PKHD1: variants seen among roughly 807,000 people sequenced by gnomAD.
The protein encoded by PKHD1 is fibrocystin.
In PKHD1, 291 loss-of-function variants were observed where a neutral mutation model predicts 412.0. That is an observed-to-expected ratio of 0.71 (90% CI 0.64 to 0.78). The LOEUF (loss-of-function observed/expected upper bound fraction) is 0.78. Among genes scored for constraint, PKHD1 ranks in the 30% least tolerant of loss-of-function variants. The probability of loss-of-function intolerance (pLI) is 0.00; values close to 1 mark genes in which losing one functional copy is unlikely to be tolerated. For missense variants in PKHD1, 4,825 were observed against 4,950.7 expected, an observed-to-expected ratio of 0.97 and a Z score of 0.76; for synonymous variants, 1,777 against 1,821.5, an observed-to-expected ratio of 0.98 and a Z score of 0.62.
chr6:51,811,478 T>C (rs1764671802), intron 52 of PKHD1, among the ~76,000 whole-genome samples: 1 of 152,202 alleles, frequency 6.6e-6, no homozygotes, highest in Non-Finnish European at 1.5e-5. Flanking sequence ...AATATAGACT[T>C]AACTTTTTTG....
At chr6:51,650,764 C>T (rs558714210) in intron 61 of PKHD1, among the ~76,000 whole-genome samples, 41 of 152,214 alleles carry the variant, frequency 2.7e-4, no homozygotes, top group African/African-American at 9.1e-4. Flanking sequence ...CCAGCTAAGA[C>T]CCTGGCTTTT....
rs981160352 is a variant in PKHD1 at position 51,966,245 on chromosome 6, A to G, written c.5752-6219T>C. On this transcript the variant is annotated intron_variant, in intron 35 of 66. Coordinates refer to ENST00000371117, the MANE Select transcript of PKHD1 (RefSeq NM_138694.4). ...ACATTTTAGGGAGACATGAGACATC[A>G]ATCAATATATGTAAGATGTACCTTG... is the stretch of plus-strand genomic sequence containing the variant. 8.7e-4 allele frequency among the ~76,000 whole-genome samples: 133 copies of G among 152,146 alleles called. 3 individuals carry two copies. Among genetic ancestry groups the G allele is most frequent in the Admixed American group, 1.0e-3 (16 of 15,256 alleles).
chr6:51,940,275 C>A (rs573077281), intron 36 of PKHD1, among the ~76,000 whole-genome samples: 98 of 151,858 alleles, frequency 6.5e-4, no homozygotes, highest in African/African-American at 2.3e-3. Flanking sequence ...ATTAACCTTG[C>A]CTTCAAGGTG....
chr6:51,867,421 C>A (rs916251463), intron 48 of PKHD1, among the ~76,000 whole-genome samples: 1 of 152,082 alleles, frequency 6.6e-6, no homozygotes, highest in African/African-American at 2.4e-5. Flanking sequence ...AGTGAAGCAA[C>A]CTTGCAAGTA....
intron 26 of PKHD1, among the ~76,000 whole-genome samples, 183 bp from the exon 27 acceptor site, chr6:52,043,317 C>T (rs905443104): frequency 1.4e-4 from 22 of 152,120 alleles, no homozygotes; most frequent in Non-Finnish European, 2.9e-5. Context: ...TACACAGCCC[C>T]GATCTTAAAT....
chr6:51,904,126 G>A (rs1781713009), intron 41 of PKHD1, 84 bp from the exon 42 acceptor site: 1 of 915,070 alleles, frequency 1.1e-6, no homozygotes, highest in Admixed American at 1.7e-5. Flanking sequence ...TTCTTTGGGT[G>A]TGGGTTGTTT....
At chr6:52,016,716 G>A (rs1800598601) in intron 34 of PKHD1, among the ~76,000 whole-genome samples, 1 of 151,648 alleles carries the variant, frequency 6.6e-6, no homozygotes, top group Non-Finnish European at 1.5e-5. Flanking sequence ...ATCTACGTAA[G>A]ACATAAAGAA....
chr6:52,026,800 C>A (rs1305188531), intron 31 of PKHD1, among the ~76,000 whole-genome samples: 2 of 152,188 alleles, frequency 1.3e-5, no homozygotes, highest in Non-Finnish European at 2.9e-5. Context: ...TTGCCTTACT[C>A]TCCAGTAGAG....
chr6:51,801,231 A>G (rs1416258684), intron 52 of PKHD1, among the ~76,000 whole-genome samples: 1 of 152,218 alleles, frequency 6.6e-6, no homozygotes, highest in East Asian at 1.9e-4. Context: ...AACATCCAAG[A>G]AAAGTATTCC....
At chr6:51,664,954 T>C (rs947583702) in intron 60 of PKHD1, among the ~76,000 whole-genome samples, 2 of 152,114 alleles carry the variant, frequency 1.3e-5, no homozygotes, top group African/African-American at 2.4e-5. Context: ...TCATCAAATA[T>C]TAGTTATTAT....
Position 51,702,508 on chromosome 6 carries a change from A to G in PKHD1, c.10156+41877T>C, listed in dbSNP as rs925768542. ...CACTGCTCGGGTGATGGGTGCACCAAAATCTCACAAATCACCTCTAAAGGA... is the reference window on the plus strand; with the variant it reads ...CACTGCTCGGGTGATGGGTGCACCAGAATCTCACAAATCACCTCTAAAGGA... On this transcript the variant is annotated intron_variant, in intron 60 of 66. Transcript: ENST00000371117. Among the ~76,000 whole-genome samples, 6 of 152,022 alleles carry G rather than the reference A, an allele frequency of 3.9e-5. No homozygotes were observed. In the East Asian group the frequency reaches 1.2e-3, roughly 29 times the overall value.
intron 5 of PKHD1, among the ~76,000 whole-genome samples, chr6:52,076,917 G>A (rs1209681454): frequency 1.3e-5 from 2 of 152,196 alleles, no homozygotes; most frequent in Non-Finnish European, 2.9e-5. Context: ...TGACTCAAAA[G>A]ATTCAAGGAA....
rs1260377702 is a variant in PKHD1, at chr6:52,004,186, TC to T, written c.5751+6122del. Among the ~76,000 whole-genome samples, 31 of 152,304 alleles carry T rather than the reference TC, an allele frequency of 2.0e-4. 1 individual carries two copies. Among genetic ancestry groups the T allele is most frequent in the African/African-American group, 6.7e-4 (28 of 41,590 alleles). Reference sequence around the variant, plus strand: ...TAGAGATTACTATCTATCCATTTTTTCCCTTTTCTTTCTGTTCTTCAGTTTG... The same window carrying T: ...TAGAGATTACTATCTATCCATTTTTTCCTTTTCTTTCTGTTCTTCAGTTTG... On this transcript the variant is annotated intron_variant, in intron 35 of 66. Transcript: ENST00000371117.
At chr6:52,056,810 C>A (rs776108461) in intron 17 of PKHD1, 22 bp from the exon 18 acceptor site, 15 of 1,600,200 alleles carry the variant, frequency 9.4e-6, no homozygotes, top group Non-Finnish European at 1.3e-5. Flanking sequence ...GAAAAAAATG[C>A]CAGGAATTTA....
At position 52,025,746 on chromosome 6, in the gene PKHD1, G is replaced by A; in HGVS notation, c.4064C>T (p.Pro1355Leu). ...GATGCCAGCCTCCAGACTGTGAAGA[G>A]GGATGGAGCATCCAGACAGGCTCAC... ...GNVSLSGCSI[P>L]LHSLEAGIYP... is the part of the protein sequence containing the mutation. Residue 1355 changes from proline to leucine, a missense_variant, in exon 32 of 67, where the codon CCT becomes CTT. By Grantham distance (98) the Pro-to-Leu change is moderately conservative (BLOSUM62 -3). Transcript: ENST00000371117. 6.2e-7 allele frequency: 1 copy of A among 1,614,174 alleles called. No individual in the cohort carries two copies. The highest frequency in any genetic ancestry group is 8.5e-7 in the Non-Finnish European group (1 of 1,179,990).
intron 37 of PKHD1, among the ~76,000 whole-genome samples, chr6:51,918,706 AC>A (rs1197878096): frequency 6.6e-6 from 1 of 152,200 alleles, no homozygotes; most frequent in South Asian, 2.1e-4. Context: ...TTGGGTATAT[AC>A]CCAGTAATGG....
At chr6:51,701,823 A>G (rs533630416) in intron 60 of PKHD1, among the ~76,000 whole-genome samples, 2 of 152,030 alleles carry the variant, frequency 1.3e-5, no homozygotes, top group Admixed American at 1.3e-4. Flanking sequence ...AATTTCCATA[A>G]GAGACCAAAG....
chr6:51,915,020 T>A (rs1407032642), intron 37 of PKHD1, among the ~76,000 whole-genome samples: 2 of 152,082 alleles, frequency 1.3e-5, no homozygotes, highest in Non-Finnish European at 2.9e-5. Flanking sequence ...CCCAAGTATG[T>A]CTGGGTAGCT....
intron 60 of PKHD1, chr6:51,721,474 A>C: frequency 3.0e-5 from 25 of 840,710 alleles, no homozygotes; most frequent in Non-Finnish European, 3.4e-5. Context: ...CTTCTCTACC[A>C]TATTATTTCA....
Sources: gnomAD v4.1 joint callset for allele counts (sites outside exome capture counted in the v4.1 genomes callset) on GRCh38, gnomAD v4.1.1 for gene constraint, MANE v1.5 for transcripts, NCBI Gene and HGNC (gene_info 2026-07-23, HGNC 2026-07-21) for gene names.